The following SLC16A7 variants were observed in gnomAD, a reference collection of about 807,000 sequenced individuals.
SLC16A7 encodes solute carrier family 16 member 7.
Under a neutral mutation model 34.9 loss-of-function variants are expected in SLC16A7, and 33 were observed. That is an observed-to-expected ratio of 0.94 (90% confidence interval 0.72 to 1.26). The LOEUF is 1.26. SLC16A7 is among the 50% of genes most tolerant of loss of function. The probability of loss-of-function intolerance (pLI) is 0.00; values close to 1 mark genes in which losing one functional copy is unlikely to be tolerated. For missense variants in SLC16A7, 573 were observed against 578.1 expected (o/e 0.99, Z 0.09); for synonymous variants, 201 against 206.6 (o/e 0.97, Z 0.23).
At position 59,781,915 on chromosome 12, in the gene SLC16A7, T is replaced by TA. The variant is rs1281093743; in HGVS notation, c.*2236_*2237insA. The stretch of plus-strand genomic sequence containing the variant: ...TAGGTCAAAGACTACATTATATATA[T>TA]TTTTTATTACCTTCTAGTAGAGACA... On this transcript the variant is annotated 3_prime_UTR_variant, in exon 6 of 6. Transcript: ENST00000547379. The TA allele has an allele frequency of 6.6e-6, 1 of 152,116 alleles. No homozygotes were observed. Among genetic ancestry groups the TA allele is most frequent in the African/African-American group, 2.4e-5 (1 of 41,426 alleles). The allele number at this position is 152,116 out of a possible 1,614,324, so 9.4% of individuals were successfully genotyped here.
At chr12:59,695,130 C>A (rs1237087061) in intron 2 of SLC16A7, among the ~76,000 whole-genome samples, 1 of 151,590 alleles carries the variant, frequency 6.6e-6, no homozygotes, top group Non-Finnish European at 1.5e-5. Context: ...CACATGGAGC[C>A]TGTATAAATT....
At chr12:59,735,541 T>C (rs1421316791) in intron 3 of SLC16A7, among the ~76,000 whole-genome samples, 4 of 152,184 alleles carry the variant, frequency 2.6e-5, no homozygotes, top group African/African-American at 4.8e-5. Context: ...TATTTCTTGA[T>C]GTCAGATGAG....
intron 3 of SLC16A7, among the ~76,000 whole-genome samples, chr12:59,761,528 A>G (rs1317722149): frequency 3.9e-5 from 6 of 152,162 alleles, no homozygotes; most frequent in Admixed American, 3.9e-4. Flanking sequence ...TTTGGCTCAT[A>G]TAAATTTTAT....
intron 1 of SLC16A7, among the ~76,000 whole-genome samples, chr12:59,605,334 A>G (rs1434265377): frequency 6.6e-6 from 1 of 152,216 alleles, no homozygotes; most frequent in Non-Finnish European, 1.5e-5. Context: ...CCGAAGGAAC[A>G]GTAAGTCCAG....
At chr12:59,772,408 T>C (rs1882320929) in intron 4 of SLC16A7, among the ~76,000 whole-genome samples, 1 of 152,150 alleles carries the variant, frequency 6.6e-6, no homozygotes, top group South Asian at 2.1e-4. Flanking sequence ...ACTGTAGAAG[T>C]CGGGATGCGC....
intron 3 of SLC16A7, among the ~76,000 whole-genome samples, chr12:59,759,678 T>C (rs1402678716): frequency 6.6e-6 from 1 of 152,044 alleles, no homozygotes; most frequent in African/African-American, 2.4e-5. Context: ...AAAATATTTG[T>C]AGGCTGTATT....
At position 59,780,216 on chromosome 12, in the gene SLC16A7, A is replaced by ATAATT. The variant is rs1344394873; in HGVS notation, c.*540_*544dup. ...AAACCCAAATTCAAAAAAAAAAATGATAATTTATTTTTAAGGTAAAAATAA... is the reference window on the plus strand; with the variant it reads ...AAACCCAAATTCAAAAAAAAAAATGATAATTTAATTTATTTTTAAGGTAAAAATAA... On this transcript the variant is annotated 3_prime_UTR_variant, in exon 6 of 6. Transcript: ENST00000547379. 6.6e-6 allele frequency: 1 copy of ATAATT among 152,098 alleles called. No homozygotes were observed. The highest frequency in any genetic ancestry group is 1.5e-5 in the Non-Finnish European group (1 of 68,026). The allele number at this position is 152,098 out of a possible 1,614,324, so 9.4% of individuals were successfully genotyped here.
At chr12:59,621,657 G>T (rs537262757) in intron 1 of SLC16A7, among the ~76,000 whole-genome samples, 1 of 151,656 alleles carries the variant, frequency 6.6e-6, no homozygotes, top group Admixed American at 6.6e-5. Flanking sequence ...GAATTTTAAG[G>T]CATACAAACA....
chr12:59,740,397 G>C (rs1300368069), intron 3 of SLC16A7, among the ~76,000 whole-genome samples: 1 of 152,082 alleles, frequency 6.6e-6, no homozygotes, highest in Non-Finnish European at 1.5e-5. Flanking sequence ...CTGTTCCATT[G>C]ATCTATATCT....
At chr12:59,613,225 G>C (rs1879282839) in intron 1 of SLC16A7, among the ~76,000 whole-genome samples, 1 of 152,226 alleles carries the variant, frequency 6.6e-6, no homozygotes, top group Non-Finnish European at 1.5e-5. Flanking sequence ...GAAGTGCTGA[G>C]CAAAAGGGGA....
At chr12:59,760,184 G>A (rs527803280) in intron 3 of SLC16A7, among the ~76,000 whole-genome samples, 35 of 152,098 alleles carry the variant, frequency 2.3e-4, no homozygotes, top group African/African-American at 7.9e-4. Flanking sequence ...AAAAGCATTG[G>A]CATTTCCAGG....
chr12:59,709,886 T>C (rs1874022386), intron 3 of SLC16A7, among the ~76,000 whole-genome samples: 1 of 151,608 alleles, frequency 6.6e-6, no homozygotes, highest in Non-Finnish European at 1.5e-5. Context: ...TTCTGACCAA[T>C]TAAATATAAG....
intron 2 of SLC16A7, chr12:59,664,592 A>C (rs944618547): frequency 6.6e-6 from 1 of 152,294 alleles, no homozygotes; most frequent in South Asian, 2.1e-4. Context: ...AAATCACGCA[A>C]TGGAAAATGT....
chr12:59,742,509 G>T lies in SLC16A7; in HGVS notation c.218-28710G>T, dbSNP rs376591106. ...AGTGTCCCTAAATGTCAACCTAGGAGGAAAGTGAGAAATCACAGTGGAGAT... is the reference window on the plus strand; with the variant it reads ...AGTGTCCCTAAATGTCAACCTAGGATGAAAGTGAGAAATCACAGTGGAGAT... On this transcript the variant is annotated intron_variant, in intron 3 of 5. Coordinates refer to ENST00000547379, the MANE Select transcript of SLC16A7 (RefSeq NM_001270623.2). Among the ~76,000 whole-genome samples, 95 of 152,318 alleles carry T rather than the reference G, an allele frequency of 6.2e-4. 1 individual carries two copies. The East Asian group carries it at 0.015, about 25-fold the overall frequency.
At chr12:59,729,005 A>G (rs1876619994) in intron 3 of SLC16A7, among the ~76,000 whole-genome samples, 1 of 152,152 alleles carries the variant, frequency 6.6e-6, no homozygotes, top group Non-Finnish European at 1.5e-5. Flanking sequence ...GTTGTAATTC[A>G]TTTTTGTCAA....
intron 2 of SLC16A7, among the ~76,000 whole-genome samples, chr12:59,665,146 T>A (rs1223285058): frequency 6.6e-6 from 1 of 152,108 alleles, no homozygotes. Flanking sequence ...GATTCTGTAT[T>A]GTATTAGATG....
chr12:59,656,034 G>C (rs1182622656), intron 2 of SLC16A7, among the ~76,000 whole-genome samples: 1 of 151,886 alleles, frequency 6.6e-6, no homozygotes, highest in Non-Finnish European at 1.5e-5. Flanking sequence ...GCATTAGATT[G>C]CTACGTATTT....
chr12:59,658,106 C>T (rs1868632682), intron 2 of SLC16A7, among the ~76,000 whole-genome samples: 1 of 151,972 alleles, frequency 6.6e-6, no homozygotes, highest in Admixed American at 6.6e-5. Flanking sequence ...TACTTAAAAA[C>T]TATAATCACA....
At chr12:59,664,943 G>A (rs1483271556) in intron 2 of SLC16A7, 2 of 151,960 alleles carry the variant, frequency 1.3e-5, no homozygotes, top group Non-Finnish European at 2.9e-5. Flanking sequence ...TCTCTATTCA[G>A]GTAACTTTAA....
Sources: gnomAD v4.1 joint callset for allele counts (sites outside exome capture counted in the v4.1 genomes callset) on GRCh38, gnomAD v4.1.1 for gene constraint, MANE v1.5 for transcripts, NCBI Gene and HGNC (gene_info 2026-07-23, HGNC 2026-07-21) for gene names.